The following SEPTIN9 variants were observed in gnomAD, a reference collection of about 807,000 sequenced individuals.
SEPTIN9 encodes septin-9.
Under a neutral mutation model 56.6 loss-of-function variants are expected in SEPTIN9, and 13 were observed. The ratio of observed to expected loss-of-function variants is 0.23; its 90% CI spans 0.15 to 0.37. The LOEUF (loss-of-function observed/expected upper bound fraction) is 0.37. Among genes scored for constraint, SEPTIN9 ranks in the 10% least tolerant of loss-of-function variants. The pLI, the probability that SEPTIN9 is intolerant of heterozygous loss-of-function variation, is 1.00. For missense variants in SEPTIN9, 650 were observed against 823.1 expected (o/e 0.79, Z 2.57); for synonymous variants, 332 against 334.1 (o/e 0.99, Z 0.07).
intron 3 of SEPTIN9, chr17:77,447,284 C>G (rs1413612204): frequency 5.5e-5 from 9 of 162,790 alleles, no homozygotes; most frequent in South Asian, 2.1e-4. Flanking sequence ...TCCCCTTGCT[C>G]TTTCCTTGGG....
chr17:77,372,588 T>C (rs1049447850), intron 2 of SEPTIN9, among the ~76,000 whole-genome samples: 2 of 152,136 alleles, frequency 1.3e-5, no homozygotes, highest in African/African-American at 4.8e-5. Context: ...AGGAGGCCCT[T>C]ATTGTGGAGG....
rs913210214 is a variant in SEPTIN9 at position 77,281,618 on chromosome 17, G to C, written c.19+64G>C. 2.7e-6 allele frequency: 4 copies of C among 1,471,156 alleles called. No homozygotes were observed. In the African/African-American group the frequency reaches 4.4e-5, roughly 16 times the overall value. The allele number at this position is 1,471,156 out of a possible 1,614,324, so 91.1% of individuals were successfully genotyped here. A position where few individuals can be genotyped will look rare whatever the true frequency, so the allele number is the denominator to read the frequency against. ...CGGGACCAGCGCTGCTCACCTGAGT[G>C]CCTGCGGCCGGGAGTGGCGAGGCGC... is the stretch of plus-strand genomic sequence containing the variant. On this transcript the variant is annotated intron_variant, in intron 1 of 11. Transcript: ENST00000427177.
chr17:77,292,746 G>C (rs1487027873), intron 1 of SEPTIN9, among the ~76,000 whole-genome samples: 2 of 151,918 alleles, frequency 1.3e-5, no homozygotes, highest in East Asian at 1.9e-4. Flanking sequence ...GGCTCGCGTC[G>C]GCCTCCCAAA....
In SEPTIN9 at chr17:77,402,372, C is replaced by G. The variant is rs769409038; in HGVS notation, c.390C>G (p.Phe130Leu). Residue 130 changes from phenylalanine (F) to leucine (L), a missense_variant, in exon 3 of 12, where the codon TTC becomes TTG. By Grantham distance (22) the Phe-to-Leu change is conservative. Transcript: ENST00000427177. The surrounding 1 kb of genome is among the most constrained non-coding windows in gnomAD (Gnocchi z 6.6). ...CCGGGGCCATCGGCCCGTCCCGGTT[C>G]GGGCTCAAGAGGGCCGAGGTGTTGG... ...ENAGAIGPSR[F>L]GLKRAEVLGH... 6.2e-7 allele frequency: 1 copy of G among 1,612,036 alleles called. No homozygotes were observed. Among genetic ancestry groups the G allele is most frequent in the Non-Finnish European group, 8.5e-7 (1 of 1,179,640 alleles).
In SEPTIN9 at chr17:77,437,358, C is replaced by G. The variant is rs1366503142; in HGVS notation, c.721+34655C>G. ...CCTTCTACACCCCCACCCCACGCCC[C>G]CAGGAGCTCCCTATGGGGAAGCCGG... On this transcript the variant is annotated intron_variant, in intron 3 of 11. Transcript: ENST00000427177. The surrounding 1 kb of genome is among the most constrained non-coding windows in gnomAD (Gnocchi z 5.3). Among the ~76,000 whole-genome samples the G allele has an allele frequency of 6.6e-6, 1 of 152,208 alleles. No homozygotes were observed. Among genetic ancestry groups the G allele is most frequent in the Non-Finnish European group, 1.5e-5 (1 of 68,032 alleles).
chr17:77,380,714 G>A (rs1312235445), intron 2 of SEPTIN9, among the ~76,000 whole-genome samples: 1 of 152,286 alleles, frequency 6.6e-6, no homozygotes, highest in Middle Eastern at 3.4e-3. Flanking sequence ...TCACAGCCTC[G>A]GAGGGGTCAT....
intron 2 of SEPTIN9, among the ~76,000 whole-genome samples, chr17:77,386,097 C>T (rs140052147): frequency 1.3e-3 from 201 of 151,934 alleles, no homozygotes; most frequent in African/African-American, 4.6e-3. Flanking sequence ...CTGCATGCCA[C>T]GTGCAGACAG....
rs577809516 is a variant in SEPTIN9, at chr17:77,287,719, G to A, written c.19+6165G>A. ...GAGCTGTTGCTGGCAGAGGAGGGGC[G>A]GCTCCTGGGCACTGCTTGCCAATGG... On this transcript the variant is annotated intron_variant, in intron 1 of 11. Transcript: ENST00000427177. Among the ~76,000 whole-genome samples, 18 of 152,298 alleles carry A rather than the reference G, an allele frequency of 1.2e-4. No homozygotes were observed. The South Asian group carries it at 3.1e-3, about 26-fold the overall frequency.
intron 3 of SEPTIN9, among the ~76,000 whole-genome samples, chr17:77,430,953 T>G (rs911947272): frequency 2.0e-5 from 3 of 150,438 alleles, no homozygotes; most frequent in Non-Finnish European, 4.4e-5. Context: ...ACTGTGCTAC[T>G]GCACTCCAGC....
intron 3 of SEPTIN9, among the ~76,000 whole-genome samples, chr17:77,455,972 C>T (rs541945278): frequency 2.6e-5 from 4 of 152,286 alleles, no homozygotes; most frequent in South Asian, 4.1e-4. Context: ...CGATCTCCCC[C>T]GGGGCAGGGG....
At chr17:77,308,352 G>C (rs576715454) in intron 2 of SEPTIN9, among the ~76,000 whole-genome samples, 1 of 152,234 alleles carries the variant, frequency 6.6e-6, no homozygotes, top group African/African-American at 2.4e-5. Context: ...TGAGACAGCC[G>C]TCCTGCCAGG....
chr17:77,449,535 G>C lies in SEPTIN9; in HGVS notation c.722-32609G>C, dbSNP rs1301182547. ...AGAGGCAAAGAGAAGAAGGTTCGGA[G>C]AGGAGGGCCAAGGAAGAAGGGTTCT... On this transcript the variant is annotated intron_variant, in intron 3 of 11. Transcript: ENST00000427177. The surrounding 1 kb of genome is among the most constrained non-coding windows in gnomAD (Gnocchi z 4.6). Among the ~76,000 whole-genome samples the C allele has an allele frequency of 1.3e-5, 2 of 152,214 alleles. No individual in the cohort carries two copies. Among genetic ancestry groups the C allele is most frequent in the Non-Finnish European group, 2.9e-5 (2 of 68,040 alleles).
At chr17:77,426,192 A>AC (rs1256432911) in intron 3 of SEPTIN9, among the ~76,000 whole-genome samples, 1 of 151,452 alleles carries the variant, frequency 6.6e-6, no homozygotes, top group Non-Finnish European at 1.5e-5. Flanking sequence ...GTGCCCTCTG[A>AC]CCCCTGCTTG....
At chr17:77,362,898 G>T (rs2034459835) in intron 2 of SEPTIN9, among the ~76,000 whole-genome samples, 1 of 152,196 alleles carries the variant, frequency 6.6e-6, no homozygotes, top group African/African-American at 2.4e-5. Context: ...GACAGATCAG[G>T]CCTGAGTCAG....
rs1306015026 is a variant in SEPTIN9, at chr17:77,362,463, T to TCCTCA, written c.77-39592_77-39591insACCTC. On this transcript the variant is annotated intron_variant, in intron 2 of 11. Coordinates refer to ENST00000427177, the MANE Select transcript of SEPTIN9 (RefSeq NM_001113491.2). ...GGAGGTCTGCTGCCGGTCTCTTCCT[T>TCCTCA]CCTCCTCTGACTGGGTGCTCCTTGT... Among the ~76,000 whole-genome samples the TCCTCA allele has an allele frequency of 2.6e-5, 4 of 152,226 alleles. No individual in the cohort carries two copies. In the East Asian group the frequency reaches 5.8e-4, roughly 22 times the overall value.
At chr17:77,299,670 C>A in intron 1 of SEPTIN9, among the ~76,000 whole-genome samples, 1 of 152,198 alleles carries the variant, frequency 6.6e-6, no homozygotes, top group South Asian at 2.1e-4. Context: ...GTCCCAATGC[C>A]CACTGGTAAG....
At chr17:77,424,134 G>A (rs1405414031) in intron 3 of SEPTIN9, among the ~76,000 whole-genome samples, 3 of 152,372 alleles carry the variant, frequency 2.0e-5, no homozygotes, top group South Asian at 2.1e-4. Flanking sequence ...TACTCCAGGC[G>A]CTGGGCTCGA....
intron 3 of SEPTIN9, among the ~76,000 whole-genome samples, chr17:77,477,926 C>T (rs1322338394): frequency 6.6e-6 from 1 of 152,138 alleles, no homozygotes; most frequent in African/African-American, 2.4e-5. Flanking sequence ...GATCCTTGCA[C>T]AACCGTGTTC....
chr17:77,460,431 T>C (rs980995122), intron 3 of SEPTIN9, among the ~76,000 whole-genome samples: 2 of 152,168 alleles, frequency 1.3e-5, no homozygotes, highest in Non-Finnish European at 2.9e-5. Context: ...GCTGAAGTTA[T>C]CATTAAACTT....
Sources: allele counts gnomAD v4.1 joint callset (sites outside exome capture counted in the v4.1 genomes callset), GRCh38; gene constraint gnomAD v4.1.1; non-coding constraint Gnocchi (gnomAD v3.1); transcripts MANE v1.5; gene names NCBI Gene and HGNC (gene_info 2026-07-23, HGNC 2026-07-21).